The following GPRIN3 variants were observed in gnomAD, a reference collection of about 807,000 sequenced individuals.
GPRIN3 encodes the protein G protein-regulated inducer of neurite outgrowth 3.
A neutral mutation model predicts 13.7 loss-of-function variants in GPRIN3; 12 were observed. The observed-to-expected ratio is 0.87, with a 90% CI of 0.56 to 1.42. The LOEUF is 1.42. GPRIN3 is among the 40% of genes most tolerant of loss of function. The pLI, the probability that GPRIN3 is intolerant of heterozygous loss-of-function variation, is 0.00. For synonymous variants in GPRIN3, 377 were observed against 372.7 expected (o/e 1.01, Z -0.13); for missense variants, 1,009 against 958.7 (o/e 1.05, Z -0.69).
In GPRIN3 at chr4:89,280,792, T is replaced by C. The variant is rs74849967; in HGVS notation, c.-124+26823A>G. 3.0e-3 allele frequency among the ~76,000 whole-genome samples: 464 copies of C among 152,262 alleles called. 5 individuals carry two copies. The highest frequency in any genetic ancestry group is 0.011 in the African/African-American group (442 of 41,542). ...CACAAGCAAGAAGGGAAGAAAGTCC[T>C]GTGGAAACTGAAACAGAGATAGGAG... On this transcript the variant is annotated intron_variant, in intron 1 of 1. Transcript: ENST00000609438.
intron 1 of GPRIN3, among the ~76,000 whole-genome samples, chr4:89,259,783 A>C (rs6849469): frequency 0.49 from 74,572 of 151,930 alleles, 18,917 homozygotes; most frequent in South Asian, 0.69. Context: ...GGCATCTTCC[A>C]AATGCAGAGG....
At chr4:89,280,745 A>T (rs1298583087) in intron 1 of GPRIN3, among the ~76,000 whole-genome samples, 2 of 152,250 alleles carry the variant, frequency 1.3e-5, no homozygotes, top group African/African-American at 4.8e-5. Context: ...ATAAGAAAGA[A>T]ATTAGGACAT....
chr4:89,293,155 G>A (rs1184231133), intron 1 of GPRIN3, among the ~76,000 whole-genome samples: 3 of 152,190 alleles, frequency 2.0e-5, no homozygotes, highest in Non-Finnish European at 4.4e-5. Context: ...CATAGTTCAT[G>A]AGCAGCATGG....
At chr4:89,307,214 T>C (rs1725057291) in intron 1 of GPRIN3, among the ~76,000 whole-genome samples, 1 of 152,026 alleles carries the variant, frequency 6.6e-6, no homozygotes, top group African/African-American at 2.4e-5. Context: ...ATATGTAATA[T>C]ATATTTCTAT....
In GPRIN3 at chr4:89,259,516, TG is replaced by T. The variant is rs368550735; in HGVS notation, c.-123-9284del. Among the ~76,000 whole-genome samples, 20 of 152,374 alleles carry T rather than the reference TG, an allele frequency of 1.3e-4. No homozygotes were observed. The East Asian group carries it at 2.9e-3, about 22-fold the overall frequency. On this transcript the variant is annotated intron_variant, in intron 1 of 1. Coordinates refer to ENST00000609438, the MANE Select transcript of GPRIN3 (RefSeq NM_198281.3). ...TAGGCAGCCTCCATTTGCATGTTTT[TG>T]CATTTGCATTTTAAAATCCTGTGTT...
At chr4:89,254,128 G>GGTGTGTGTGTGTGTGTGTGT (rs57642647) in intron 1 of GPRIN3, among the ~76,000 whole-genome samples, 12,238 of 147,546 alleles carry the variant, frequency 0.083, 623 homozygotes, top group Non-Finnish European at 0.11. Context: ...GTTGCATCTG[G>GGTGTGTGTGTGTGTGTGTGT]GTGTGTGTGT....
intron 1 of GPRIN3, among the ~76,000 whole-genome samples, chr4:89,290,925 A>G (rs1724554027): frequency 2.0e-5 from 3 of 152,220 alleles, no homozygotes. Flanking sequence ...GATGGTGAAC[A>G]TAACATTATT....
At chr4:89,264,526 C>T (rs962875317) in intron 1 of GPRIN3, among the ~76,000 whole-genome samples, 3 of 152,104 alleles carry the variant, frequency 2.0e-5, no homozygotes, top group African/African-American at 7.2e-5. Context: ...CCTTCTCTTC[C>T]CTGCATACTT....
chr4:89,267,190 T>C (rs1311582541), intron 1 of GPRIN3, among the ~76,000 whole-genome samples: 1 of 152,214 alleles, frequency 6.6e-6, no homozygotes, highest in Non-Finnish European at 1.5e-5. Flanking sequence ...TCGAACCCCA[T>C]AGCCAAGAGG....
chr4:89,244,635 C>A lies in GPRIN3; in HGVS notation c.*3145G>T, dbSNP rs1723037941. On this transcript the variant is annotated 3_prime_UTR_variant, in exon 2 of 2. Transcript: ENST00000609438. ...TAATTAGAAAAGCATTCAAGATAAACATATGACAGCTGAAGCTGTCACATT... is the reference window on the plus strand; with the variant it reads ...TAATTAGAAAAGCATTCAAGATAAAAATATGACAGCTGAAGCTGTCACATT... 1 of 152,056 alleles carries A rather than the reference C, an allele frequency of 6.6e-6. No individual in the cohort carries two copies. The highest frequency in any genetic ancestry group is 2.1e-4 in the South Asian group (1 of 4,828). 9.4% of individuals were successfully genotyped at this position (152,056 alleles called of 1,614,324 possible).
chr4:89,249,658 AGGCATGGATGAGGTGAT>A lies in GPRIN3; in HGVS notation c.436_452del (p.Ile146Ter). ...TCTGTGATCTCATCAGGGAATCTTCAGGCATGGATGAGGTGATGGCATTGGGCTGATCACCTGGGATG... is the reference window on the plus strand; with the variant it reads ...TCTGTGATCTCATCAGGGAATCTTCAGGCATTGGGCTGATCACCTGGGATG... On this transcript the variant is annotated frameshift_variant, in exon 2 of 2. Coordinates refer to ENST00000609438, the MANE Select transcript of GPRIN3 (RefSeq NM_198281.3). LOFTEE classifies it low-confidence loss of function (END_TRUNC). 5 of 1,614,174 alleles carry A rather than the reference AGGCATGGATGAGGTGAT, an allele frequency of 3.1e-6. No individual in the cohort carries two copies. Among genetic ancestry groups the A allele is most frequent in the Non-Finnish European group, 4.2e-6 (5 of 1,180,024 alleles).
At chr4:89,293,701 C>T (rs936898325) in intron 1 of GPRIN3, among the ~76,000 whole-genome samples, 41 of 152,196 alleles carry the variant, frequency 2.7e-4, no homozygotes, top group African/African-American at 9.9e-4. Context: ...TACTTCAAAT[C>T]TAGGTTTTCT....
At chr4:89,288,279 G>A (rs1317140553) in intron 1 of GPRIN3, among the ~76,000 whole-genome samples, 1 of 152,118 alleles carries the variant, frequency 6.6e-6, no homozygotes, top group South Asian at 2.1e-4. Flanking sequence ...GCTCTTGCTT[G>A]GCTTTCTAGA....
At chr4:89,256,426 T>C (rs17015297) in intron 1 of GPRIN3, among the ~76,000 whole-genome samples, 5,409 of 152,262 alleles carry the variant, frequency 0.036, 292 homozygotes, top group African/African-American at 0.12. Flanking sequence ...TACTATGCCA[T>C]GCTGCCTATT....
At chr4:89,290,528 T>C (rs1458591628) in intron 1 of GPRIN3, among the ~76,000 whole-genome samples, 1 of 152,052 alleles carries the variant, frequency 6.6e-6, no homozygotes, top group African/African-American at 2.4e-5. Flanking sequence ...TCAGGACAAA[T>C]GCCATACTCT....
At chr4:89,281,557 C>T (rs1578102862) in intron 1 of GPRIN3, among the ~76,000 whole-genome samples, 1 of 152,200 alleles carries the variant, frequency 6.6e-6, no homozygotes, top group African/African-American at 2.4e-5. Flanking sequence ...CAGACCCCAC[C>T]TCCAACACTG....
intron 1 of GPRIN3, among the ~76,000 whole-genome samples, chr4:89,267,400 T>C (rs1317940110): frequency 6.6e-6 from 1 of 152,190 alleles, no homozygotes; most frequent in Non-Finnish European, 1.5e-5. Flanking sequence ...ATGAAGTATA[T>C]AATTAGGCTG....
At chr4:89,261,629 G>A (rs1379559017) in intron 1 of GPRIN3, among the ~76,000 whole-genome samples, 1 of 152,116 alleles carries the variant, frequency 6.6e-6, no homozygotes, top group Non-Finnish European at 1.5e-5. Flanking sequence ...TCCACCTCAG[G>A]TACTAATGTT....
At chr4:89,292,999 G>T (rs1259666613) in intron 1 of GPRIN3, among the ~76,000 whole-genome samples, 1 of 152,168 alleles carries the variant, frequency 6.6e-6, no homozygotes, top group African/African-American at 2.4e-5. Context: ...AGTGGTAAAT[G>T]ACATGAATCT....
Sources: gnomAD v4.1 joint callset for allele counts (sites outside exome capture counted in the v4.1 genomes callset) on GRCh38, gnomAD v4.1.1 for gene constraint, MANE v1.5 for transcripts, NCBI Gene and HGNC (gene_info 2026-07-23, HGNC 2026-07-21) for gene names.